TPRG1: variants seen among roughly 807,000 people sequenced by gnomAD.
The protein encoded by TPRG1 is tumor protein p63 regulated 1.
A neutral mutation model predicts 29.3 loss-of-function variants in TPRG1; 29 were observed. The observed-to-expected ratio is 0.99, with a 90% confidence interval of 0.74 to 1.35. TPRG1 has a LOEUF of 1.35. Ranked by LOEUF, TPRG1 falls within the 40% of genes most tolerant of loss-of-function variation. The pLI, the probability that TPRG1 is intolerant of heterozygous loss-of-function variation, is 0.00. For synonymous variants in TPRG1, 130 were observed against 116.8 expected (o/e 1.11, Z -0.73); for missense variants, 327 against 335.0 (o/e 0.98, Z 0.19).
At chr3:189,061,852 T>C (rs146159086) in intron 4 of TPRG1, among the ~76,000 whole-genome samples, 2 of 151,844 alleles carry the variant, frequency 1.3e-5, no homozygotes, top group Non-Finnish European at 2.9e-5. Flanking sequence ...TGTAAATTAG[T>C]TCAATCATTA....
chr3:189,051,540 A>G (rs1715319940), intron 4 of TPRG1, among the ~76,000 whole-genome samples: 1 of 152,168 alleles, frequency 6.6e-6, no homozygotes, highest in African/African-American at 2.4e-5. Flanking sequence ...CTACAAATTC[A>G]AGCAATCCTC....
At chr3:189,089,153 A>G (rs1189324723) in intron 4 of TPRG1, among the ~76,000 whole-genome samples, 2 of 152,150 alleles carry the variant, frequency 1.3e-5, no homozygotes, top group South Asian at 2.1e-4. Context: ...AGGATTTTCT[A>G]CTGTTACAGA....
At chr3:189,117,781 G>T (rs1721355514) in intron 1 of TPRG1, among the ~76,000 whole-genome samples, 1 of 152,192 alleles carries the variant, frequency 6.6e-6, no homozygotes, top group Non-Finnish European at 1.5e-5. Flanking sequence ...TTTGCCTTCT[G>T]CCATGTTTGT....
chr3:189,233,836 C>G (rs969653176), intron 3 of TPRG1, among the ~76,000 whole-genome samples: 4 of 152,038 alleles, frequency 2.6e-5, no homozygotes, highest in African/African-American at 9.7e-5. Context: ...ATTAGGGCCA[C>G]AACTGAAGCA....
At chr3:189,316,565 G>T (rs1478730052) in intron 5 of TPRG1, among the ~76,000 whole-genome samples, 1 of 152,172 alleles carries the variant, frequency 6.6e-6, no homozygotes, top group Non-Finnish European at 1.5e-5. Context: ...TCCAGGCAAT[G>T]AACTGTTGGC....
chr3:189,276,999 C>T (rs997952413), intron 4 of TPRG1, among the ~76,000 whole-genome samples: 5 of 152,092 alleles, frequency 3.3e-5, no homozygotes, highest in Admixed American at 3.3e-4. Flanking sequence ...CTCCTTGTTA[C>T]TTCATTTCTA....
chr3:189,111,450 A>G (rs1407794592), intron 1 of TPRG1, among the ~76,000 whole-genome samples: 1 of 152,088 alleles, frequency 6.6e-6, no homozygotes, highest in Non-Finnish European at 1.5e-5. Flanking sequence ...TGGGTTTATC[A>G]GGATTTAGCC....
intron 3 of TPRG1, among the ~76,000 whole-genome samples, chr3:189,231,744 T>G (rs901553403): frequency 6.6e-6 from 1 of 152,206 alleles, no homozygotes; most frequent in Non-Finnish European, 1.5e-5. Context: ...CCGTCACTGC[T>G]CAGGAATCTT....
At chr3:189,076,923 C>CATATATATATATATATATATATAT (rs150949911) in intron 4 of TPRG1, among the ~76,000 whole-genome samples, 19 of 140,614 alleles carry the variant, frequency 1.4e-4, no homozygotes, top group African/African-American at 5.4e-4. Context: ...TATATGTGTA[C>CATATATATATATATATATATATAT]ATATATATAT....
intron 1 of TPRG1, among the ~76,000 whole-genome samples, chr3:189,199,589 C>T (rs1733119112): frequency 6.6e-6 from 1 of 152,166 alleles, no homozygotes; most frequent in African/African-American, 2.4e-5. Context: ...CCTGTAATCC[C>T]AGCACTTTTG....
chr3:189,303,246 A>G (rs956861061), intron 4 of TPRG1, among the ~76,000 whole-genome samples: 3 of 152,254 alleles, frequency 2.0e-5, no homozygotes, highest in African/African-American at 7.2e-5. Context: ...GTAATTAAAA[A>G]TAGCTATTTT....
At chr3:189,217,757 A>G in intron 3 of TPRG1, 1 of 905,822 alleles carries the variant, frequency 1.1e-6, no homozygotes, top group African/African-American at 1.8e-5. Context: ...TAGTCTAGCC[A>G]CTGTTACTTT....
intron 4 of TPRG1, among the ~76,000 whole-genome samples, chr3:189,047,490 T>C (rs1715052163): frequency 6.6e-6 from 1 of 152,200 alleles, no homozygotes; most frequent in Non-Finnish European, 1.5e-5. Flanking sequence ...AATAGGGTGA[T>C]GATTGCTGAA....
intron 5 of TPRG1, among the ~76,000 whole-genome samples, chr3:189,158,624 AT>A (rs147060830): frequency 0.011 from 1,719 of 152,092 alleles, 14 homozygotes; most frequent in African/African-American, 0.022. Flanking sequence ...ATAAAAAAAA[AT>A]AATAAGTAAA....
At chr3:189,158,150 C>T (rs1260807459) in intron 5 of TPRG1, among the ~76,000 whole-genome samples, 4 of 152,168 alleles carry the variant, frequency 2.6e-5, no homozygotes, top group African/African-American at 9.7e-5. Flanking sequence ...CCTTAAACCA[C>T]TTAAGACAGG....
intron 4 of TPRG1, among the ~76,000 whole-genome samples, chr3:189,305,836 A>G (rs936548085): frequency 2.6e-5 from 4 of 152,192 alleles, no homozygotes; most frequent in Non-Finnish European, 5.9e-5. Flanking sequence ...CCAAGTCCTT[A>G]TGGGACCCTT....
intron 2 of TPRG1, among the ~76,000 whole-genome samples, chr3:189,210,161 T>C (rs1318237767): frequency 6.6e-6 from 1 of 152,164 alleles, no homozygotes; most frequent in Admixed American, 6.5e-5. Flanking sequence ...TGTATATGCA[T>C]ATATTTCCTC....
chr3:189,232,891 G>A (rs1277313558), intron 3 of TPRG1, among the ~76,000 whole-genome samples: 1 of 152,306 alleles, frequency 6.6e-6, no homozygotes, highest in African/African-American at 2.4e-5. Flanking sequence ...GAGAGAAATT[G>A]CTTTCCTTTA....
intron 4 of TPRG1, among the ~76,000 whole-genome samples, chr3:189,241,638 A>G (rs904262892): frequency 6.6e-6 from 1 of 152,102 alleles, no homozygotes; most frequent in Admixed American, 6.6e-5. Flanking sequence ...CAAAATATCA[A>G]CCTGGACTCT....
Sources: gnomAD v4.1 joint callset for allele counts (sites outside exome capture counted in the v4.1 genomes callset) on GRCh38, gnomAD v4.1.1 for gene constraint, MANE v1.5 for transcripts, NCBI Gene and HGNC (gene_info 2026-07-23, HGNC 2026-07-21) for gene names.